DDR2: variants seen among roughly 807,000 people sequenced by gnomAD.
DDR2 encodes discoidin domain-containing receptor 2.
In DDR2, 27 loss-of-function variants were observed where a neutral mutation model predicts 94.9. The ratio of observed to expected loss-of-function variants is 0.28; its 90% CI spans 0.21 to 0.39. The LOEUF is 0.39. Among genes scored for constraint, DDR2 ranks in the 10% least tolerant of loss-of-function variants. DDR2 has a pLI of 1.00. For synonymous variants in DDR2, 382 were observed against 377.2 expected (o/e 1.01, Z -0.15); for missense variants, 783 against 1,076.0 (o/e 0.73, Z 3.81).
intron 2 of DDR2, among the ~76,000 whole-genome samples, chr1:162,659,632 T>A (rs1658192724): frequency 6.6e-6 from 1 of 152,138 alleles, no homozygotes; most frequent in South Asian, 2.1e-4. Context: ...AGCACGTGCG[T>A]TTTACGTGCT....
intron 3 of DDR2, among the ~76,000 whole-genome samples, chr1:162,747,714 T>G (rs1014753281): frequency 6.6e-6 from 1 of 151,944 alleles, no homozygotes; most frequent in African/African-American, 2.4e-5. Flanking sequence ...TCACCAAGGT[T>G]GAAATAAAGG....
intron 1 of DDR2, among the ~76,000 whole-genome samples, chr1:162,639,550 GA>G (rs1393536668): frequency 6.6e-6 from 1 of 152,074 alleles, no homozygotes; most frequent in African/African-American, 2.4e-5. Flanking sequence ...AATAACATAG[GA>G]AAAAATCTCA....
intron 2 of DDR2, among the ~76,000 whole-genome samples, chr1:162,675,157 C>CA (rs746435012): frequency 0.064 from 9,315 of 145,476 alleles, 342 homozygotes; most frequent in Admixed American, 0.086. Flanking sequence ...AACTCCATCT[C>CA]AAAAAAAAAA....
At position 162,782,315 on chromosome 1, in the gene DDR2, C is replaced by G. The variant is rs1437077192; in HGVS notation, c.*2069C>G. 2.6e-5 allele frequency: 4 copies of G among 152,176 alleles called. No individual in the cohort carries two copies. Among genetic ancestry groups the G allele is most frequent in the Admixed American group, 2.6e-4 (4 of 15,262 alleles). 9.4% of individuals were successfully genotyped at this position (152,176 alleles called of 1,614,324 possible). A position where few individuals can be genotyped will look rare whatever the true frequency, so the allele number is the denominator to read the frequency against. Reference sequence around the variant, plus strand: ...ACTCACTGGAAAATTGGATCTATAACTGATGGGTTTAGTAATCTGGTCATT... The same window carrying G: ...ACTCACTGGAAAATTGGATCTATAAGTGATGGGTTTAGTAATCTGGTCATT... On this transcript the variant is annotated 3_prime_UTR_variant, in exon 18 of 18. Coordinates refer to ENST00000367921, the MANE Select transcript of DDR2 (RefSeq NM_006182.4).
At chr1:162,755,988 A>G (rs1303246325) in intron 7 of DDR2, among the ~76,000 whole-genome samples, 2 of 152,224 alleles carry the variant, frequency 1.3e-5, no homozygotes, top group Middle Eastern at 3.2e-3. Flanking sequence ...CCAGAAAACA[A>G]TCAATTACAC....
chr1:162,721,863 G>T (rs1661439725), intron 3 of DDR2, among the ~76,000 whole-genome samples: 2 of 152,056 alleles, frequency 1.3e-5, no homozygotes, highest in Admixed American at 1.3e-4. Flanking sequence ...ATAACATATT[G>T]GTTGGTTAAT....
At chr1:162,732,261 G>A (rs572809055) in intron 3 of DDR2, among the ~76,000 whole-genome samples, 1 of 152,256 alleles carries the variant, frequency 6.6e-6, no homozygotes, top group African/African-American at 2.4e-5. Flanking sequence ...AATCTTTCTT[G>A]GCCCCCCTGT....
In DDR2 at chr1:162,755,249, GA is replaced by G. The variant is rs1558067386; in HGVS notation, c.512del (p.Asp171AlafsTer4). 1 of 1,613,912 alleles carries G rather than the reference GA, an allele frequency of 6.2e-7. No homozygotes were observed. Among genetic ancestry groups the G allele is most frequent in the Non-Finnish European group, 8.5e-7 (1 of 1,179,986 alleles). ...ARFVRFIPVT[D>X]HSMNVCMRVE... ...ATTTGTCCGGTTCATTCCAGTCACC[GA>G]CCACTCCATGAATGTGTGTATGAGA... On this transcript the variant is annotated frameshift_variant, in exon 6 of 18. Coordinates refer to ENST00000367921, the MANE Select transcript of DDR2 (RefSeq NM_006182.4). LOFTEE classifies it high-confidence loss of function.
At chr1:162,735,433 T>C (rs531207673) in intron 3 of DDR2, among the ~76,000 whole-genome samples, 1 of 152,334 alleles carries the variant, frequency 6.6e-6, no homozygotes, top group South Asian at 2.1e-4. Flanking sequence ...AATACACTGT[T>C]TGCTACCCCC....
chr1:162,746,857 T>G (rs2102105052), intron 3 of DDR2, among the ~76,000 whole-genome samples: 1 of 152,192 alleles, frequency 6.6e-6, no homozygotes, highest in Non-Finnish European at 1.5e-5. Flanking sequence ...CCTGCACTGG[T>G]GATACCCAGG....
In DDR2 at chr1:162,691,915, A is replaced by G. The variant is rs552926560; in HGVS notation, c.-27-27122A>G. ...AGGTATCACAAGGGACACTGGTTCA[A>G]TTCTGCGGTGGGCATATCCACATGG... On this transcript the variant is annotated intron_variant, in intron 2 of 17. Coordinates refer to ENST00000367921, the MANE Select transcript of DDR2 (RefSeq NM_006182.4). 2.6e-5 allele frequency among the ~76,000 whole-genome samples: 4 copies of G among 152,372 alleles called. No homozygotes were observed. In the East Asian group the frequency reaches 7.7e-4, roughly 29 times the overall value.
At chr1:162,637,657 T>C (rs1202589266) in intron 1 of DDR2, among the ~76,000 whole-genome samples, 1 of 152,196 alleles carries the variant, frequency 6.6e-6, no homozygotes, top group Non-Finnish European at 1.5e-5. Flanking sequence ...GTTTATAATG[T>C]TATGTAGCTA....
Position 162,754,606 on chromosome 1 carries a change from C to T in DDR2, c.186-18C>T, listed in dbSNP as rs750627037. 1 of 1,613,368 alleles carries T rather than the reference C, an allele frequency of 6.2e-7. No individual in the cohort carries two copies. Among genetic ancestry groups the T allele is most frequent in the Non-Finnish European group, 8.5e-7 (1 of 1,179,484 alleles). ...GTTTCATGGTTGCTCCCTCTCTCCC[C>T]AACCCTCACCTCTCAAGGCTGGACT... On this transcript the variant is annotated intron_variant, in intron 4 of 17. Transcript: ENST00000367921.
intron 2 of DDR2, among the ~76,000 whole-genome samples, chr1:162,656,028 AC>A (rs1657942782): frequency 1.3e-5 from 2 of 152,188 alleles, no homozygotes; most frequent in South Asian, 4.1e-4. Flanking sequence ...TTATTAGGAA[AC>A]CATTTCCACA....
chr1:162,755,357 G>A (rs777451851), intron 6 of DDR2, 54 bp downstream of exon 6: 25 of 1,604,554 alleles, frequency 1.6e-5, no homozygotes, highest in Non-Finnish European at 2.1e-5. Flanking sequence ...CCAACTTCTG[G>A]GAAATGAAGG....
At chr1:162,640,094 T>A (rs980017964) in intron 1 of DDR2, among the ~76,000 whole-genome samples, 1 of 151,228 alleles carries the variant, frequency 6.6e-6, no homozygotes, top group Non-Finnish European at 1.5e-5. Flanking sequence ...CAGGCTGGAG[T>A]GCAGTGGTGT....
At chr1:162,722,602 G>T (rs954213871) in intron 3 of DDR2, among the ~76,000 whole-genome samples, 8 of 152,198 alleles carry the variant, frequency 5.3e-5, no homozygotes, top group Admixed American at 3.9e-4. Flanking sequence ...ATCAACAGAT[G>T]ATTGGAATGT....
intron 3 of DDR2, among the ~76,000 whole-genome samples, chr1:162,747,987 G>A (rs531287244): frequency 2.0e-5 from 3 of 152,262 alleles, no homozygotes; most frequent in East Asian, 1.9e-4. Context: ...CCCTACAAGA[G>A]CTCCTGAAGG....
intron 3 of DDR2, among the ~76,000 whole-genome samples, chr1:162,724,575 G>A (rs961365643): frequency 6.6e-6 from 1 of 152,106 alleles, no homozygotes; most frequent in African/African-American, 2.4e-5. Context: ...ACTGCTATGT[G>A]TTAATTCACC....
Sources: allele counts gnomAD v4.1 joint callset (sites outside exome capture counted in the v4.1 genomes callset), GRCh38; gene constraint gnomAD v4.1.1; transcripts MANE v1.5; gene names NCBI Gene and HGNC (gene_info 2026-07-23, HGNC 2026-07-21).